TAOK1: variants seen among roughly 807,000 people sequenced by gnomAD.
TAOK1 encodes serine/threonine-protein kinase TAO1.
TAOK1 carries 21 observed loss-of-function variants against 138.3 expected under a neutral mutation model. The observed-to-expected ratio is 0.15, with a 90% confidence interval of 0.11 to 0.22. TAOK1 has a LOEUF of 0.22. Among genes scored for constraint, TAOK1 ranks in the 10% least tolerant of loss-of-function variants. The probability of loss-of-function intolerance (pLI) is 1.00; values close to 1 mark genes in which losing one functional copy is unlikely to be tolerated. For synonymous variants in TAOK1, 361 were observed against 398.4 expected (o/e 0.91, Z 1.12); for missense variants, 651 against 1,227.7 (o/e 0.53, Z 7.02).
At chr17:29,505,322 G>GGT (rs2031610362) in intron 13 of TAOK1, among the ~76,000 whole-genome samples, 1 of 152,056 alleles carries the variant, frequency 6.6e-6, no homozygotes, top group African/African-American at 2.4e-5. Context: ...TCTGAAACAA[G>GGT]GTACAGTTAT....
chr17:29,510,209 T>G (rs1440410623), intron 14 of TAOK1, among the ~76,000 whole-genome samples: 1 of 151,874 alleles, frequency 6.6e-6, no homozygotes, highest in Non-Finnish European at 1.5e-5. Context: ...AAACCCCATC[T>G]CTTCTAAAAA....
intron 1 of TAOK1, among the ~76,000 whole-genome samples, chr17:29,399,114 G>C (rs1275143171): frequency 1.3e-5 from 2 of 151,438 alleles, no homozygotes; most frequent in East Asian, 3.9e-4. Context: ...TGCCCTCCAA[G>C]TAGCTAGGAC....
At chr17:29,423,049 G>C (rs1176388750) in intron 1 of TAOK1, among the ~76,000 whole-genome samples, 2 of 150,924 alleles carry the variant, frequency 1.3e-5, no homozygotes, top group East Asian at 3.9e-4. Flanking sequence ...AAATCTAGCT[G>C]TTGGTGTCAT....
chr17:29,548,916 T>A lies in TAOK1; in HGVS notation c.*5894T>A, dbSNP rs573330985. On this transcript the variant is annotated 3_prime_UTR_variant, in exon 20 of 20. Transcript: ENST00000261716. ...GAAATGAAGCTTAATCATGGTCAGG[T>A]TTGAGATCTTTTGCAGTGAAATAAT... 6.6e-6 allele frequency: 1 copy of A among 152,258 alleles called. No homozygotes were observed. Among genetic ancestry groups the A allele is most frequent in the East Asian group, 1.9e-4 (1 of 5,192 alleles). The allele number at this position is 152,258 out of a possible 1,614,324, so 9.4% of individuals were successfully genotyped here.
chr17:29,532,633 C>T (rs2032139466), intron 18 of TAOK1, among the ~76,000 whole-genome samples: 1 of 152,168 alleles, frequency 6.6e-6, no homozygotes, highest in South Asian at 2.1e-4. Context: ...GTGGACACAA[C>T]ACATGTTTCG....
At chr17:29,420,645 G>GCACGAT (rs993750267) in intron 1 of TAOK1, among the ~76,000 whole-genome samples, 1 of 143,758 alleles carries the variant, frequency 7.0e-6, no homozygotes, top group African/African-American at 2.6e-5. Context: ...GAGTGCAATG[G>GCACGAT]CACGATCTCG....
chr17:29,457,383 G>A lies in TAOK1; in HGVS notation c.132+5703G>A, dbSNP rs190511192. The stretch of plus-strand genomic sequence containing the variant: ...CTCCCACAGTGCTGGGATTACAGGC[G>A]TGAGCCACCACCCCAGGCCTTTTTT... On this transcript the variant is annotated intron_variant, in intron 2 of 19. Transcript: ENST00000261716. Among the ~76,000 whole-genome samples, 529 of 144,346 alleles carry A rather than the reference G, an allele frequency of 3.7e-3. 8 individuals carry two copies. Among genetic ancestry groups the A allele is most frequent in the East Asian group, 0.03 (145 of 4,838 alleles). The allele number at this position is 144,346 out of a possible 152,430, so 94.7% of individuals were successfully genotyped here.
intron 1 of TAOK1, among the ~76,000 whole-genome samples, chr17:29,400,586 A>T (rs1424866225): frequency 1.3e-5 from 2 of 152,046 alleles, no homozygotes; most frequent in Non-Finnish European, 2.9e-5. Context: ...TTACCTTGAA[A>T]GTGCCTTACG....
chr17:29,499,783 A>G, intron 12 of TAOK1, among the ~76,000 whole-genome samples: 1 of 150,644 alleles, frequency 6.6e-6, no homozygotes, highest in Non-Finnish European at 1.5e-5. Flanking sequence ...CTGGTCTCGA[A>G]CTCCCAACCT....
intron 1 of TAOK1, among the ~76,000 whole-genome samples, chr17:29,444,521 A>T (rs1664717042): frequency 6.6e-6 from 1 of 152,086 alleles, no homozygotes; most frequent in Admixed American, 6.5e-5. Flanking sequence ...TATATATTTT[A>T]TTTTTGACTT....
At position 29,498,308 on chromosome 17, in the gene TAOK1, TTTCTC is replaced by T; in HGVS notation, c.1000-7_1000-3del. 6.2e-7 allele frequency: 1 copy of T among 1,614,110 alleles called. No homozygotes were observed. The highest frequency in any genetic ancestry group is 8.5e-7 in the Non-Finnish European group (1 of 1,179,976). ...ATATTTGAACTGAACTGAATGTCCT[TTTCTC>T]TTAGGAACAAGATCATGGTGTTGGC... is the stretch of plus-strand genomic sequence containing the variant. On this transcript the variant is annotated splice_polypyrimidine_tract_variant and splice_region_variant and intron_variant, in intron 11 of 19. Coordinates refer to ENST00000261716, the MANE Select transcript of TAOK1 (RefSeq NM_020791.4).
At chr17:29,410,635 G>GTTTTT (rs1207404073) in intron 1 of TAOK1, among the ~76,000 whole-genome samples, 4 of 136,894 alleles carry the variant, frequency 2.9e-5, no homozygotes, top group African/African-American at 5.5e-5. Flanking sequence ...TTTTTTTTTG[G>GTTTTT]TTTTTTTTTT....
intron 1 of TAOK1, among the ~76,000 whole-genome samples, chr17:29,442,393 T>G (rs1371300756): frequency 6.7e-6 from 1 of 150,052 alleles, no homozygotes; most frequent in Non-Finnish European, 1.5e-5. Context: ...TTTTCTGTTT[T>G]TTTTTTTTTT....
intron 14 of TAOK1, 72 bp downstream of exon 14, chr17:29,508,204 T>G: frequency 7.5e-7 from 1 of 1,327,460 alleles, no homozygotes; most frequent in East Asian, 2.3e-5. Flanking sequence ...ACATGGCAGT[T>G]TGATGTTAGC....
At chr17:29,508,347 G>T (rs1260481779) in intron 14 of TAOK1, among the ~76,000 whole-genome samples, 2 of 152,208 alleles carry the variant, frequency 1.3e-5, no homozygotes, top group Non-Finnish European at 2.9e-5. Flanking sequence ...AATTTTGTGT[G>T]TGGGTCATTT....
intron 2 of TAOK1, among the ~76,000 whole-genome samples, chr17:29,459,122 G>A (rs2030470602): frequency 6.6e-6 from 1 of 152,072 alleles, no homozygotes; most frequent in African/African-American, 2.4e-5. Flanking sequence ...TTCCTTTTCT[G>A]AGATTGTGCT....
Position 29,467,180 on chromosome 17 carries a change from C to G in TAOK1, c.168C>G (p.Ile56Met). The G allele has an allele frequency of 6.2e-7, 1 of 1,605,188 alleles. No homozygotes were observed. Among genetic ancestry groups the G allele is most frequent in the Non-Finnish European group, 8.5e-7 (1 of 1,174,556 alleles). ...RDVRTNEVVA[I>M]KKMSYSGKQS... ...TGCGTACCAATGAAGTGGTGGCCAT[C>G]AAGAAAATGTCTTATAGTGGAAAGC... The change falls in exon 3 of 20, where the codon ATC becomes ATG. Residue 56 changes from isoleucine to methionine, a missense_variant. Physicochemically the swap from Ile to Met is conservative, Grantham distance 10. Around this residue, in one of 8 missense-constraint regions of TAOK1, gnomAD observed 116 missense variants for 213.9 expected, o/e 0.54. Coordinates refer to ENST00000261716, the MANE Select transcript of TAOK1 (RefSeq NM_020791.4).
At chr17:29,463,463 C>T (rs2030578407) in intron 2 of TAOK1, among the ~76,000 whole-genome samples, 2 of 151,926 alleles carry the variant, frequency 1.3e-5, no homozygotes, top group South Asian at 4.1e-4. Flanking sequence ...CCCAGCTACT[C>T]CGGGGGCTGA....
At chr17:29,535,838 A>C (rs1238117573) in intron 19 of TAOK1, among the ~76,000 whole-genome samples, 1 of 150,526 alleles carries the variant, frequency 6.6e-6, no homozygotes, top group African/African-American at 2.4e-5. Flanking sequence ...CTGGGTTACA[A>C]AGCGAGACCC....
Sources: gnomAD v4.1 joint callset for allele counts (sites outside exome capture counted in the v4.1 genomes callset) on GRCh38, gnomAD v4.1.1 for gene constraint, gnomAD v4.1.1 regional missense constraint, MANE v1.5 for transcripts, NCBI Gene and HGNC (gene_info 2026-07-23, HGNC 2026-07-21) for gene names.